Variants in NRG1 observed in about 807,000 individuals in gnomAD.
NRG1 encodes neuregulin 1, also known as pro-neuregulin-1, membrane-bound isoform.
A neutral mutation model predicts 63.8 loss-of-function variants in NRG1; 18 were observed. The ratio of observed to expected loss-of-function variants is 0.28; its 90% CI spans 0.19 to 0.42. NRG1 has a LOEUF of 0.42. Among genes scored for constraint, NRG1 ranks in the 10% least tolerant of loss-of-function variants. NRG1 has a pLI of 1.00. For missense variants in NRG1, 762 were observed against 814.7 expected, an observed-to-expected ratio of 0.94 and a Z score of 0.79; for synonymous variants, 302 against 301.3, an observed-to-expected ratio of 1.00 and a Z score of -0.02.
chr8:32,644,986 G>A (rs1476907752), intron 5 of NRG1, among the ~76,000 whole-genome samples: 2 of 152,056 alleles, frequency 1.3e-5, no homozygotes, highest in African/African-American at 4.8e-5. Context: ...AGCTGACCTT[G>A]GCCTTGGATG....
intron 1 of NRG1, among the ~76,000 whole-genome samples, chr8:32,016,532 G>A (rs1026931316): frequency 3.9e-5 from 6 of 152,012 alleles, no homozygotes; most frequent in Admixed American, 1.3e-4. Context: ...ACAAGAGATT[G>A]CCTGAATTAT....
At position 31,732,607 on chromosome 8, in the gene NRG1, T is replaced by C. The variant is rs118021205; in HGVS notation, c.37+93176T>C. 3.9e-3 allele frequency among the ~76,000 whole-genome samples: 587 copies of C among 152,242 alleles called. 1 individual carries two copies. Among genetic ancestry groups the C allele is most frequent in the South Asian group, 0.019 (91 of 4,828 alleles). ...GTAGTTACCATCCAAATAACATATA[T>C]TGGCCAGAGACAGTGTCTCCTGCCT... On this transcript the variant is annotated intron_variant, in intron 1 of 10. Transcript: ENST00000519301.
chr8:31,991,363 TTCC>T (rs1164043179), intron 1 of NRG1, among the ~76,000 whole-genome samples: 80 of 77,578 alleles, frequency 1.0e-3, no homozygotes, highest in East Asian at 5.4e-3. Context: ...TCTTCTTTCT[TTCC>T]TCCTCCTCCT....
intron 1 of NRG1, among the ~76,000 whole-genome samples, chr8:32,527,371 T>C (rs1479231023): frequency 1.3e-5 from 2 of 152,112 alleles, no homozygotes; most frequent in Admixed American, 1.3e-4. Flanking sequence ...GCAACATGGA[T>C]GGAACTGGAG....
At position 32,338,010 on chromosome 8, in the gene NRG1, A is replaced by G. The variant is rs566724606; in HGVS notation, c.38-257818A>G. On this transcript the variant is annotated intron_variant, in intron 1 of 10. Transcript: ENST00000519301. ...ACATGTAACCCAATTTGCTCCTAAT[A>G]GACTTGGAATACACAGTGCCTGAAA... Among the ~76,000 whole-genome samples the G allele has an allele frequency of 2.0e-4, 30 of 152,314 alleles. No homozygotes were observed. In the South Asian group the frequency reaches 6.0e-3, roughly 30 times the overall value.
chr8:31,719,659 A>G (rs1812705077), intron 1 of NRG1, among the ~76,000 whole-genome samples: 1 of 152,148 alleles, frequency 6.6e-6, no homozygotes, highest in Non-Finnish European at 1.5e-5. Context: ...CCCATTTTGA[A>G]GGTCAACTGG....
intron 1 of NRG1, among the ~76,000 whole-genome samples, chr8:32,436,282 T>C (rs1007633800): frequency 6.6e-6 from 1 of 152,106 alleles, no homozygotes; most frequent in Non-Finnish European, 1.5e-5. Context: ...ACCACCCCCA[T>C]GATTCAACTG....
At chr8:32,160,468 T>C (rs1246063994) in intron 1 of NRG1, among the ~76,000 whole-genome samples, 1 of 152,222 alleles carries the variant, frequency 6.6e-6, no homozygotes, top group Non-Finnish European at 1.5e-5. Flanking sequence ...AGAAACTTGC[T>C]CAAGGTCACT....
chr8:31,911,000 C>G (rs1198232048), intron 1 of NRG1, among the ~76,000 whole-genome samples: 1 of 152,090 alleles, frequency 6.6e-6, no homozygotes, highest in Non-Finnish European at 1.5e-5. Flanking sequence ...TTCTGACATT[C>G]CGATTTGTCT....
At chr8:31,646,449 A>G (rs1176293090) in intron 1 of NRG1, among the ~76,000 whole-genome samples, 1 of 152,238 alleles carries the variant, frequency 6.6e-6, no homozygotes, top group African/African-American at 2.4e-5. Flanking sequence ...CTAAGAGCCC[A>G]GGGGATGGAC....
intron 1 of NRG1, among the ~76,000 whole-genome samples, chr8:31,664,870 T>A (rs533092422): frequency 1.3e-5 from 2 of 152,294 alleles, no homozygotes; most frequent in South Asian, 4.1e-4. Context: ...GAAAGCATGA[T>A]CAGTGACCAG....
chr8:32,301,842 CAACAT>C (rs1855601088), intron 1 of NRG1, among the ~76,000 whole-genome samples: 1 of 152,126 alleles, frequency 6.6e-6, no homozygotes, highest in Non-Finnish European at 1.5e-5. Flanking sequence ...AGTTACACTT[CAACAT>C]GAGATTTGGG....
chr8:32,113,805 T>TA (rs956226125), intron 1 of NRG1, among the ~76,000 whole-genome samples: 2 of 152,204 alleles, frequency 1.3e-5, no homozygotes, highest in African/African-American at 4.8e-5. Context: ...TTGTATGTAT[T>TA]AAGGTACATA....
chr8:31,648,124 C>CTTTTTTT lies in NRG1; in HGVS notation c.37+8714_37+8720dup, dbSNP rs36074483. 6.8e-4 allele frequency among the ~76,000 whole-genome samples: 35 copies of CTTTTTTT among 51,308 alleles called. 7 individuals carry two copies. The highest frequency in any genetic ancestry group is 2.8e-3 in the African/African-American group (30 of 10,810). 33.7% of individuals were successfully genotyped at this position (51,308 alleles called of 152,430 possible). The stretch of plus-strand genomic sequence containing the variant: ...TTCTGTCTTTACAAATTTGACTACT[C>CTTTTTTT]TTTTTTTTTTTTTTTTTTTTTTTTT... On this transcript the variant is annotated intron_variant, in intron 1 of 10. Transcript: ENST00000519301.
intron 1 of NRG1, among the ~76,000 whole-genome samples, chr8:31,967,409 G>A (rs1806533022): frequency 6.6e-6 from 1 of 152,146 alleles, no homozygotes. Context: ...CTTGGATAGT[G>A]AGAAGTACTC....
chr8:31,968,095 A>C (rs1340239080), intron 1 of NRG1, among the ~76,000 whole-genome samples: 1 of 152,242 alleles, frequency 6.6e-6, no homozygotes. Context: ...ATTTCCTCCA[A>C]TATTGCTAAG....
At chr8:31,652,738 T>C (rs1021334054) in intron 1 of NRG1, among the ~76,000 whole-genome samples, 1 of 152,228 alleles carries the variant, frequency 6.6e-6, no homozygotes, top group Admixed American at 6.5e-5. Flanking sequence ...GCTATAGTCT[T>C]TACAAATCTT....
intron 1 of NRG1, among the ~76,000 whole-genome samples, chr8:31,814,056 T>G (rs2131804435): frequency 6.6e-6 from 1 of 152,316 alleles, no homozygotes; most frequent in African/African-American, 2.4e-5. Context: ...ACCTGATCTT[T>G]ATTGCCTCAC....
At chr8:32,021,172 T>TA (rs1419318848) in intron 1 of NRG1, among the ~76,000 whole-genome samples, 1 of 152,206 alleles carries the variant, frequency 6.6e-6, no homozygotes, top group Admixed American at 6.5e-5. Flanking sequence ...AAAAATGCCT[T>TA]AGTCTGTTTG....
Sources: gnomAD v4.1 joint callset for allele counts (sites outside exome capture counted in the v4.1 genomes callset) on GRCh38, gnomAD v4.1.1 for gene constraint, MANE v1.5 for transcripts, NCBI Gene and HGNC (gene_info 2026-07-23, HGNC 2026-07-21) for gene names.